ACBD6: variants seen among roughly 807,000 people sequenced by gnomAD.
ACBD6 encodes acyl-CoA binding domain containing 6, also known as acyl-CoA-binding domain-containing protein 6.
Under a neutral mutation model 37.2 loss-of-function variants are expected in ACBD6, and 28 were observed. That is an observed-to-expected ratio of 0.75 (90% CI 0.56 to 1.03). The LOEUF (loss-of-function observed/expected upper bound fraction) is 1.03. Among genes scored for constraint, ACBD6 ranks in the 50% least tolerant of loss-of-function variants. ACBD6 has a pLI of 0.00. For synonymous variants in ACBD6, 113 were observed against 126.8 expected, an observed-to-expected ratio of 0.89 and a Z score of 0.73; for missense variants, 340 against 337.4, an observed-to-expected ratio of 1.01 and a Z score of -0.06.
chr1:180,444,580 C>T (rs564875781), intron 3 of ACBD6, among the ~76,000 whole-genome samples: 1 of 152,324 alleles, frequency 6.6e-6, no homozygotes, highest in East Asian at 1.9e-4. Context: ...TACACTTCAT[C>T]TACCAGAGTG....
At chr1:180,448,482 G>T (rs1649562115) in intron 3 of ACBD6, among the ~76,000 whole-genome samples, 1 of 151,988 alleles carries the variant, frequency 6.6e-6, no homozygotes, top group Non-Finnish European at 1.5e-5. Flanking sequence ...CTTAGCTCTT[G>T]CCCCCTCTGG....
At chr1:180,323,115 C>A (rs1339452513) in intron 6 of ACBD6, among the ~76,000 whole-genome samples, 4 of 151,886 alleles carry the variant, frequency 2.6e-5, no homozygotes, top group East Asian at 3.9e-4. Context: ...ACTCACTGGT[C>A]ATTCAGGAGC....
At chr1:180,459,578 T>G (rs367939854) in intron 3 of ACBD6, among the ~76,000 whole-genome samples, 1 of 152,208 alleles carries the variant, frequency 6.6e-6, no homozygotes, top group Non-Finnish European at 1.5e-5. Flanking sequence ...TAGTACATTT[T>G]AAAACATTTT....
Position 180,306,040 on chromosome 1 carries a change from T to C in ACBD6, c.694+8652A>G, listed in dbSNP as rs547578700. Among the ~76,000 whole-genome samples the C allele has an allele frequency of 1.6e-4, 22 of 139,428 alleles. No homozygotes were observed. In the East Asian group the frequency reaches 2.8e-3, roughly 18 times the overall value. The allele number at this position is 139,428 out of a possible 152,430, so 91.5% of individuals were successfully genotyped here. A position where few individuals can be genotyped will look rare whatever the true frequency, so the allele number is the denominator to read the frequency against. On this transcript the variant is annotated intron_variant, in intron 7 of 7. Coordinates refer to ENST00000367595, the MANE Select transcript of ACBD6 (RefSeq NM_032360.4). The stretch of plus-strand genomic sequence containing the variant: ...GCATATTCTCACTCATAGGTGGGAA[T>C]TGAACAATGAGAACACGTGGACACA...
intron 4 of ACBD6, among the ~76,000 whole-genome samples, chr1:180,424,978 G>A (rs547656760): frequency 1.4e-4 from 21 of 152,202 alleles, no homozygotes; most frequent in Admixed American, 1.0e-3. Context: ...CATGTCCCAG[G>A]GGACCCATTT....
At chr1:180,371,158 G>GA (rs962166697) in intron 6 of ACBD6, among the ~76,000 whole-genome samples, 4 of 150,998 alleles carry the variant, frequency 2.6e-5, no homozygotes, top group South Asian at 2.1e-4. Context: ...ATTTTATAAA[G>GA]AAAAAAACAT....
At chr1:180,316,642 G>A (rs531270086) in intron 6 of ACBD6, among the ~76,000 whole-genome samples, 3 of 152,190 alleles carry the variant, frequency 2.0e-5, no homozygotes, top group Non-Finnish European at 2.9e-5. Flanking sequence ...GTGGAAGAAA[G>A]CATAATCTAT....
rs753663608 is a variant in ACBD6 at position 180,397,511 on chromosome 1, C to G, written c.663+5G>C. On this transcript the variant is annotated splice_donor_5th_base_variant and intron_variant, in intron 6 of 7. Coordinates refer to ENST00000367595, the MANE Select transcript of ACBD6 (RefSeq NM_032360.4). ...AAAATAAAAGCTCTTCTTTATCACT[C>G]TTACCTGACAGTTAATGTCAGCTCT... 2 of 1,610,814 alleles carry G rather than the reference C, an allele frequency of 1.2e-6. No homozygotes were observed. The highest frequency in any genetic ancestry group is 4.5e-5 in the East Asian group (2 of 44,856).
chr1:180,306,600 T>C (rs148024181), intron 7 of ACBD6, among the ~76,000 whole-genome samples: 123 of 152,314 alleles, frequency 8.1e-4, no homozygotes, highest in African/African-American at 2.7e-3. Context: ...CTCAGCTCAG[T>C]AGCATGTGTA....
At chr1:180,296,389 A>AC (rs1462111776) in intron 7 of ACBD6, among the ~76,000 whole-genome samples, 27 of 151,448 alleles carry the variant, frequency 1.8e-4, no homozygotes, top group African/African-American at 6.6e-4. Flanking sequence ...TAACTAAGAT[A>AC]AAGATAACTG....
chr1:180,427,305 T>C (rs1648621807), intron 4 of ACBD6, among the ~76,000 whole-genome samples: 3 of 152,240 alleles, frequency 2.0e-5, no homozygotes, highest in Admixed American at 2.0e-4. Context: ...TTATGTCCTT[T>C]TTTAAAAATA....
intron 6 of ACBD6, among the ~76,000 whole-genome samples, chr1:180,339,945 A>G (rs1571382385): frequency 6.6e-6 from 1 of 152,204 alleles, no homozygotes; most frequent in Admixed American, 6.5e-5. Flanking sequence ...TGAGACAACT[A>G]GGGGAGAAAA....
At chr1:180,382,397 A>G (rs1053056865) in intron 6 of ACBD6, among the ~76,000 whole-genome samples, 2 of 152,112 alleles carry the variant, frequency 1.3e-5, no homozygotes, top group African/African-American at 4.8e-5. Context: ...ATAGAAATAC[A>G]AAGGATCAAC....
At chr1:180,274,648 T>C in intron 10 of ACBD6, 1 of 1,479,070 alleles carries the variant, frequency 6.8e-7, no homozygotes, top group Non-Finnish European at 9.0e-7. Flanking sequence ...AAAAGAGACT[T>C]GCCTTTTAAG....
At chr1:180,273,549 C>T (rs1648821124) in intron 11 of ACBD6, 1 of 152,488 alleles carries the variant, frequency 6.6e-6, no homozygotes, top group East Asian at 1.9e-4. Context: ...GGCAAAGATT[C>T]CATTAGATCC....
chr1:180,462,080 A>T lies in ACBD6; in HGVS notation c.384+30189T>A, dbSNP rs539485250. Among the ~76,000 whole-genome samples the T allele has an allele frequency of 7.9e-5, 12 of 152,202 alleles. No homozygotes were observed. In the South Asian group the frequency reaches 2.5e-3, roughly 32 times the overall value. ...GTAAAACCCCATCTCTACTAAAAAT[A>T]TAAAAATTAGCTGGGCGTGGTGGCA... On this transcript the variant is annotated intron_variant, in intron 3 of 7. Transcript: ENST00000367595.
At chr1:180,285,130 C>G (rs1021765430), downstream of ACBD6, among the ~76,000 whole-genome samples, 1 of 152,056 alleles carries the variant, frequency 6.6e-6, no homozygotes, top group Non-Finnish European at 1.5e-5. Context: ...GAGCGAGACC[C>G]TGACTCAAAA....
At chr1:180,282,212 T>C (rs1217570110) in intron 8 of ACBD6, among the ~76,000 whole-genome samples, 1 of 152,156 alleles carries the variant, frequency 6.6e-6, no homozygotes, top group Non-Finnish European at 1.5e-5. Context: ...TCTAGAGTTG[T>C]AGGAGAGGCT....
At chr1:180,309,276 T>C (rs183573692) in intron 7 of ACBD6, among the ~76,000 whole-genome samples, 125 of 152,320 alleles carry the variant, frequency 8.2e-4, no homozygotes, top group African/African-American at 2.9e-3. Context: ...ACAGAGCTTA[T>C]TTGAATCCAG....
Sources: allele counts gnomAD v4.1 joint callset (sites outside exome capture counted in the v4.1 genomes callset), GRCh38; gene constraint gnomAD v4.1.1; transcripts MANE v1.5; gene names NCBI Gene and HGNC (gene_info 2026-07-23, HGNC 2026-07-21).